Variants in CD1B observed in about 807,000 individuals in gnomAD.
The protein encoded by CD1B is CD1b molecule, also known as T-cell surface glycoprotein CD1b.
A neutral mutation model predicts 39.8 loss-of-function variants in CD1B; 43 were observed. The ratio of observed to expected loss-of-function variants is 1.08; its 90% CI spans 0.85 to 1.39. The LOEUF (loss-of-function observed/expected upper bound fraction) is 1.39, where lower values mean the gene tolerates loss of function less well. Ranked by LOEUF, CD1B falls within the 40% of genes most tolerant of loss-of-function variation. The pLI is 0.00. For missense variants in CD1B, 495 were observed against 403.8 expected, an observed-to-expected ratio of 1.23 and a Z score of -1.94; for synonymous variants, 192 against 152.5, an observed-to-expected ratio of 1.26 and a Z score of -1.91.
chr1:158,300,875 G>T, the CD1B span, among the ~76,000 whole-genome samples: 5 of 148,350 alleles, frequency 3.4e-5, no homozygotes, highest in South Asian at 1.1e-3. Context: ...TCTCCTGCTT[G>T]AGCCTCCTGA....
At chr1:158,302,047 C>T in the CD1B span, among the ~76,000 whole-genome samples, 56 of 152,076 alleles carry the variant, frequency 3.7e-4, no homozygotes, top group African/African-American at 1.0e-3. Flanking sequence ...TGGGGGAAGT[C>T]GCAATTTTCA....
Position 158,331,049 on chromosome 1 carries a change from C to T in CD1B, c.75G>A (p.Pro25=), listed in dbSNP as rs779464101. The change falls in exon 2 of 6, where the codon CCG becomes CCA. Residue 25 remains proline (P), a synonymous_variant. Coordinates refer to ENST00000368168, the MANE Select transcript of CD1B (RefSeq NM_001764.3). ...AGGTCTGGATAACATGAAAGGAGGT[C>T]GGCCCCTGGAAGGCTGTGAAGAGTG... is the stretch of plus-strand genomic sequence containing the variant. ...GGNSEHAFQG[P]TSFHVIQTSS... The T allele has an allele frequency of 5.0e-6, 8 of 1,611,276 alleles. No homozygotes were observed. Among genetic ancestry groups the T allele is most frequent in the East Asian group, 2.2e-5 (1 of 44,862 alleles).
the CD1B span, among the ~76,000 whole-genome samples, chr1:158,295,927 C>A: frequency 6.6e-6 from 1 of 151,904 alleles, no homozygotes; most frequent in African/African-American, 2.4e-5. Context: ...GCTACCACTT[C>A]TGTGCACATA....
At chr1:158,326,241 G>A (rs1165817475), downstream of CD1B, among the ~76,000 whole-genome samples, 1 of 152,076 alleles carries the variant, frequency 6.6e-6, no homozygotes, top group Non-Finnish European at 1.5e-5. Flanking sequence ...CAAAGTGCTG[G>A]GATTACAGGC....
the CD1B span, among the ~76,000 whole-genome samples, chr1:158,287,649 C>A: frequency 6.6e-6 from 1 of 152,070 alleles, no homozygotes; most frequent in Non-Finnish European, 1.5e-5. Context: ...ACCATTAGAT[C>A]CATCTATCTC....
the CD1B span, among the ~76,000 whole-genome samples, chr1:158,286,127 C>A: frequency 6.6e-6 from 1 of 151,964 alleles, no homozygotes; most frequent in Non-Finnish European, 1.5e-5. Flanking sequence ...GTGGTCTGAG[C>A]AAAAGGACAA....
At position 158,329,905 on chromosome 1, in the gene CD1B, G is replaced by A. The variant is rs1171561914; in HGVS notation, c.554C>T (p.Pro185Leu). Residue 185 changes from proline (P) to leucine (L), a missense_variant, in exon 3 of 6, where the codon CCC becomes CTC. Coordinates refer to ENST00000368168, the MANE Select transcript of CD1B (RefSeq NM_001764.3). ...ATTGAGGACGCCCAAGAGATATCGG[G>A]GGCAGGTTTCATAGAGGAGAATTCT... ...TVRILLYETCPRYLLGVLNAG... is the reference protein window; with the variant it reads ...TVRILLYETCLRYLLGVLNAG... 2 of 1,613,954 alleles carry A rather than the reference G, an allele frequency of 1.2e-6. No individual in the cohort carries two copies. Among genetic ancestry groups the A allele is most frequent in the Non-Finnish European group, 8.5e-7 (1 of 1,180,012 alleles).
downstream of CD1B, among the ~76,000 whole-genome samples, chr1:158,326,173 C>T (rs147540518): frequency 5.9e-5 from 9 of 152,080 alleles, 1 homozygote; most frequent in East Asian, 1.9e-4. Flanking sequence ...GGGGTTTCAC[C>T]GTGTTAGCCA....
chr1:158,312,652 A>G, the CD1B span, among the ~76,000 whole-genome samples: 2 of 152,050 alleles, frequency 1.3e-5, no homozygotes, highest in East Asian at 1.9e-4. Flanking sequence ...TATTTTTCAG[A>G]TATTTTGATG....
In CD1B at chr1:158,330,690, G is replaced by C. The variant is rs765560229; in HGVS notation, c.328+106C>G. On this transcript the variant is annotated intron_variant, in intron 2 of 5. Coordinates refer to ENST00000368168, the MANE Select transcript of CD1B (RefSeq NM_001764.3). ...CAAGAAAAGCATGTGCGTGCATTTG[G>C]GTAAAATAGAAAGGAAGGGAGAAGC... 5 of 1,125,816 alleles carry C rather than the reference G, an allele frequency of 4.4e-6. No homozygotes were observed. In the African/African-American group the frequency reaches 4.6e-5, roughly 10 times the overall value. 69.7% of individuals were successfully genotyped at this position (1,125,816 alleles called of 1,614,324 possible).
At chr1:158,294,806 G>T in the CD1B span, among the ~76,000 whole-genome samples, 1 of 152,200 alleles carries the variant, frequency 6.6e-6, no homozygotes, top group Non-Finnish European at 1.5e-5. Flanking sequence ...TTTAGCATAT[G>T]GTTGTAAGTA....
At chr1:158,300,025 G>A in the CD1B span, among the ~76,000 whole-genome samples, 9 of 151,960 alleles carry the variant, frequency 5.9e-5, no homozygotes, top group Non-Finnish European at 1.3e-4. Flanking sequence ...CTTGTCTTCG[G>A]CTAGCTTTTG....
the CD1B span, among the ~76,000 whole-genome samples, chr1:158,318,722 AT>A: frequency 6.6e-6 from 1 of 152,046 alleles, no homozygotes; most frequent in Non-Finnish European, 1.5e-5. Context: ...TTAGGTGGTT[AT>A]TTTGTTCATT....
At chr1:158,291,128 C>G in the CD1B span, 1 of 1,610,462 alleles carries the variant, frequency 6.2e-7, no homozygotes, top group African/African-American at 1.3e-5. Flanking sequence ...CTTCTTCCAC[C>G]AAAAGCATCC....
chr1:158,318,145 T>C, the CD1B span, among the ~76,000 whole-genome samples: 2 of 152,156 alleles, frequency 1.3e-5, no homozygotes, highest in African/African-American at 4.8e-5. Context: ...TTCTGTTGAT[T>C]TGGGGTGGAG....
At chr1:158,291,215 G>T in the CD1B span, 1 of 1,613,986 alleles carries the variant, frequency 6.2e-7, no homozygotes, top group Non-Finnish European at 8.5e-7. Flanking sequence ...CAGGGCTCAG[G>T]ATGGCTGGAC....
chr1:158,317,198 C>T, the CD1B span, among the ~76,000 whole-genome samples: 8 of 151,568 alleles, frequency 5.3e-5, 1 homozygote, highest in African/African-American at 1.5e-4. Flanking sequence ...GGGAGGATTC[C>T]CTCTTTTTCT....
At chr1:158,303,164 A>C in the CD1B span, among the ~76,000 whole-genome samples, 231 of 152,320 alleles carry the variant, frequency 1.5e-3, 1 homozygote, top group Non-Finnish European at 2.6e-3. Context: ...ACATAAGCAG[A>C]ACTAAAAACA....
At chr1:158,316,980 A>T in the CD1B span, among the ~76,000 whole-genome samples, 1 of 151,356 alleles carries the variant, frequency 6.6e-6, no homozygotes, top group Non-Finnish European at 1.5e-5. Context: ...GCGTATATTG[A>T]ACCAGCCTTG....
Sources: gnomAD v4.1 joint callset for allele counts (sites outside exome capture counted in the v4.1 genomes callset) on GRCh38, gnomAD v4.1.1 for gene constraint, MANE v1.5 for transcripts, NCBI Gene and HGNC (gene_info 2026-07-23, HGNC 2026-07-21) for gene names.